The following P4HB variants were observed in gnomAD, a reference collection of about 807,000 sequenced individuals.
The protein encoded by P4HB is prolyl 4-hydroxylase subunit beta.
In P4HB, 20 loss-of-function variants were observed where a neutral mutation model predicts 52.6. That is an observed-to-expected ratio of 0.38 (90% confidence interval 0.27 to 0.55). The LOEUF (loss-of-function observed/expected upper bound fraction) is 0.55, where lower values mean the gene tolerates loss of function less well. P4HB is among the 20% of genes least tolerant of loss of function. P4HB has a pLI of 0.74. For missense variants in P4HB, 601 were observed against 669.2 expected (o/e 0.90, Z 1.12); for synonymous variants, 296 against 277.9 (o/e 1.07, Z -0.65).
At chr17:81,853,176 C>T (rs923818576) in intron 4 of P4HB, among the ~76,000 whole-genome samples, 8 of 152,188 alleles carry the variant, frequency 5.3e-5, no homozygotes, top group African/African-American at 1.7e-4. Flanking sequence ...AGAACAAGAA[C>T]ATGGAAGCAA....
At chr17:81,857,233 T>G (rs961251274) in intron 2 of P4HB, among the ~76,000 whole-genome samples, 1 of 151,974 alleles carries the variant, frequency 6.6e-6, no homozygotes, top group Non-Finnish European at 1.5e-5. Flanking sequence ...ACTGCAACCT[T>G]ACCTCCCAGG....
intron 4 of P4HB, chr17:81,847,738 C>T (rs918836990): frequency 4.1e-5 from 9 of 220,452 alleles, no homozygotes; most frequent in Middle Eastern, 3.8e-3. Flanking sequence ...AGTGCAGTGG[C>T]ATGATCTTGG....
chr17:81,849,490 A>G (rs756037125), intron 4 of P4HB, among the ~76,000 whole-genome samples: 5 of 152,186 alleles, frequency 3.3e-5, no homozygotes, highest in African/African-American at 4.8e-5. Flanking sequence ...GCAAGACTTC[A>G]TCTCAAAAAA....
intron 4 of P4HB, chr17:81,847,951 CT>C (rs2038764689): frequency 6.8e-6 from 1 of 148,144 alleles, no homozygotes; most frequent in Admixed American, 6.8e-5. Context: ...GTCTCCCAGG[CT>C]GGAGTGCAGT....
At chr17:81,853,045 C>T (rs2038856715) in intron 4 of P4HB, among the ~76,000 whole-genome samples, 1 of 152,210 alleles carries the variant, frequency 6.6e-6, no homozygotes, top group Non-Finnish European at 1.5e-5. Flanking sequence ...CTTGCAATGG[C>T]AATAGACTAA....
chr17:81,844,190 G>A (rs980524870), intron 10 of P4HB, 98 bp from the exon 11 acceptor site: 31 of 880,912 alleles, frequency 3.5e-5, no homozygotes, highest in South Asian at 6.6e-5. Flanking sequence ...GGGACTAGCC[G>A]GCCACGGCGG....
intron 9 of P4HB, 89 bp from the exon 10 acceptor site, chr17:81,845,319 G>A: frequency 8.7e-7 from 1 of 1,153,970 alleles, no homozygotes; most frequent in Admixed American, 1.9e-5. Context: ...GAAAGGCAGA[G>A]CAGGCCCGGT....
In P4HB at chr17:81,843,820, A is replaced by G; in HGVS notation, c.*192T>C. On this transcript the variant is annotated 3_prime_UTR_variant, in exon 11 of 11. Coordinates refer to ENST00000331483, the MANE Select transcript of P4HB (RefSeq NM_000918.4). ...TGCCTGGAGATGGATCCCTTTCCAA[A>G]AACCGAAAAGCAGAAGGAAGAGACG... 1.6e-6 allele frequency: 1 copy of G among 615,492 alleles called. No individual in the cohort carries two copies. Among genetic ancestry groups the G allele is most frequent in the East Asian group, 2.7e-5 (1 of 37,510 alleles). The allele number at this position is 615,492 out of a possible 1,614,324, so 38.1% of individuals were successfully genotyped here. A position where few individuals can be genotyped will look rare whatever the true frequency, so the allele number is the denominator to read the frequency against.
rs910426748 is a variant in P4HB, at chr17:81,846,834, G to T, written c.855+113C>A. 6.8e-5 allele frequency: 94 copies of T among 1,390,992 alleles called. No individual in the cohort carries two copies. Among genetic ancestry groups the T allele is most frequent in the Admixed American group, 3.0e-4 (17 of 56,602 alleles). The allele number at this position is 1,390,992 out of a possible 1,614,324, so 86.2% of individuals were successfully genotyped here. On this transcript the variant is annotated intron_variant, in intron 6 of 10. Transcript: ENST00000331483. This position sits in a 1 kb window ranked among gnomAD's most constrained non-coding sequence, Gnocchi z 5.7. ...CTACATCCAGGCTGTCCTGAATCAG[G>T]TGCCCGATCCAGTCCAGCAGGCAGC...
intron 2 of P4HB, among the ~76,000 whole-genome samples, chr17:81,858,060 G>A (rs2038939200): frequency 6.6e-6 from 1 of 151,890 alleles, no homozygotes; most frequent in Non-Finnish European, 1.5e-5. Flanking sequence ...TGGATCACGA[G>A]GTCACGATCG....
chr17:81,856,648 T>A (rs926349921), intron 2 of P4HB, among the ~76,000 whole-genome samples: 8 of 125,276 alleles, frequency 6.4e-5, no homozygotes, highest in Admixed American at 3.8e-4. Flanking sequence ...ATGTTTCTTC[T>A]TTTTTTTTTT....
intron 9 of P4HB, 100 bp from the exon 10 acceptor site, chr17:81,845,330 C>G: frequency 9.5e-7 from 1 of 1,052,158 alleles, no homozygotes; most frequent in Middle Eastern, 2.0e-4. Flanking sequence ...CAGGCCCGGT[C>G]CGGTGGCTCA....
Position 81,846,511 on chromosome 17 carries a change from G to A in P4HB, c.974C>T (p.Thr325Ile), listed in dbSNP as rs2038738067. ...CTCCTCCGATTCGGGCTTGTACTTG[G>A]TCATCTCCTCCTCCAGGGTGATGAG... ...VRLITLEEEM[T>I]KYKPESEELT... Residue 325 changes from threonine (T) to isoleucine (I), a missense_variant, in exon 7 of 11, where the codon ACC becomes ATC. Physicochemically the swap from Thr to Ile is moderately conservative, Grantham distance 89 (BLOSUM62 -1). Transcript: ENST00000331483. The surrounding 1 kb of genome is among the most constrained non-coding windows in gnomAD (Gnocchi z 5.7). The A allele has an allele frequency of 6.2e-7, 1 of 1,613,968 alleles. No individual in the cohort carries two copies. Among genetic ancestry groups the A allele is most frequent in the Non-Finnish European group, 8.5e-7 (1 of 1,180,002 alleles).
rs186188916 is a variant in P4HB, at chr17:81,844,008, C to A, written c.*4G>T. On this transcript the variant is annotated 3_prime_UTR_variant, in exon 11 of 11. Transcript: ENST00000331483. ...TCGGCAGCGCCCGGGTCTGGCTTTG[C>A]GTATTACAGTTCATCTTTCACAGCT... The A allele has an allele frequency of 3.1e-6, 5 of 1,609,232 alleles. No homozygotes were observed. The highest frequency in any genetic ancestry group is 3.4e-6 in the Non-Finnish European group (4 of 1,175,670).
At chr17:81,849,422 G>C (rs2038793289) in intron 4 of P4HB, among the ~76,000 whole-genome samples, 1 of 152,190 alleles carries the variant, frequency 6.6e-6, no homozygotes, top group Non-Finnish European at 1.5e-5. Context: ...CTTGAACCCA[G>C]GAGGCGGAGG....
rs2038735632 is a variant in P4HB at position 81,846,375 on chromosome 17, C to G, written c.1056+54G>C. 6.5e-7 allele frequency: 1 copy of G among 1,536,870 alleles called. No individual in the cohort carries two copies. The highest frequency in any genetic ancestry group is 1.7e-5 in the Admixed American group (1 of 59,828). ...CCAGGACACTGAGAGCCCAGAGACC[C>G]CAAGGTGGCGGCTCTACCCGGGAGG... On this transcript the variant is annotated intron_variant, in intron 7 of 10. Transcript: ENST00000331483. This position sits in a 1 kb window ranked among gnomAD's most constrained non-coding sequence, Gnocchi z 5.7.
At chr17:81,853,400 G>A (rs570019121) in intron 4 of P4HB, among the ~76,000 whole-genome samples, 23 of 152,006 alleles carry the variant, frequency 1.5e-4, no homozygotes, top group Non-Finnish European at 2.6e-4. Flanking sequence ...GTGAAACCCC[G>A]TCTCTACTAA....
At chr17:81,847,168 G>A (rs1192417674) in intron 5 of P4HB, 75 bp downstream of exon 5, 4 of 1,598,966 alleles carry the variant, frequency 2.5e-6, no homozygotes, top group Non-Finnish European at 3.4e-6. Context: ...GGACAGCAGT[G>A]GTGACCGGGA....
Position 81,847,249 on chromosome 17 carries a change from G to A in P4HB, c.723C>T (p.Thr241=), listed in dbSNP as rs142657365. The A allele has an allele frequency of 5.8e-5, 93 of 1,613,878 alleles. No homozygotes were observed. In the East Asian group the frequency reaches 7.1e-4, roughly 12 times the overall value. The change falls in exon 5 of 11, where the codon ACC becomes ACT. Residue 241 remains threonine, a synonymous_variant. Coordinates refer to ENST00000331483, the MANE Select transcript of P4HB (RefSeq NM_000918.4). The stretch of plus-strand genomic sequence containing the variant: ...GGCTGCAGGGCAGCCGCACCTGCTC[G>A]GTGAACTCGATGACAAGGGGCAGCT... ...HNQLPLVIEF[T]EQTAPKIFGG...
Sources: gnomAD v4.1 joint callset for allele counts (sites outside exome capture counted in the v4.1 genomes callset) on GRCh38, gnomAD v4.1.1 for gene constraint, Gnocchi (gnomAD v3.1) non-coding constraint, MANE v1.5 for transcripts, NCBI Gene and HGNC (gene_info 2026-07-23, HGNC 2026-07-21) for gene names.